VWF: variants seen among roughly 807,000 people sequenced by gnomAD.
The protein encoded by VWF is Factor VIII related antigen.
A neutral mutation model predicts 308.6 loss-of-function variants in VWF; 176 were observed. The observed-to-expected ratio is 0.57, with a 90% CI of 0.50 to 0.65. The LOEUF (loss-of-function observed/expected upper bound fraction) is 0.65, where lower values mean the gene tolerates loss of function less well. Ranked by LOEUF, VWF falls within the 30% of genes least tolerant of loss-of-function variation. The pLI is 0.00. For synonymous variants in VWF, 1,385 were observed against 1,443.4 expected (o/e 0.96, Z 0.92); for missense variants, 3,146 against 3,648.2 (o/e 0.86, Z 3.55).
chr12:5,966,309 A>C (rs887110959), intron 47 of VWF, among the ~76,000 whole-genome samples: 1 of 152,164 alleles, frequency 6.6e-6, no homozygotes, highest in Admixed American at 6.5e-5. Flanking sequence ...ACACGTGTGC[A>C]CACAACTGGG....
chr12:6,065,693 G>A (rs1033630194), intron 10 of VWF, among the ~76,000 whole-genome samples: 3 of 152,196 alleles, frequency 2.0e-5, no homozygotes, highest in Non-Finnish European at 4.4e-5. Context: ...GCCAGGGGGA[G>A]GCTGCCCAAT....
rs1370229347 is a variant in VWF at position 6,020,667 on chromosome 12, C to G, written c.3675-924G>C. 2.0e-5 allele frequency among the ~76,000 whole-genome samples: 3 copies of G among 152,248 alleles called. No individual in the cohort carries two copies. Among genetic ancestry groups the G allele is most frequent in the Non-Finnish European group, 4.4e-5 (3 of 68,044 alleles). ...TGGTGGAGACCAATATGGGCCAGGA[C>G]CATCTCCTCTTTGGACTCTCAGCCT... On this transcript the variant is annotated intron_variant, in intron 27 of 51. Coordinates refer to ENST00000261405, the MANE Select transcript of VWF (RefSeq NM_000552.5). The surrounding 1 kb of genome is among the most constrained non-coding windows in gnomAD (Gnocchi z 4.3).
chr12:6,058,152 A>C lies in VWF; in HGVS notation c.1534-108T>G, dbSNP rs1400125632. The C allele has an allele frequency of 3.1e-6, 4 of 1,309,318 alleles. No individual in the cohort carries two copies. The highest frequency in any genetic ancestry group is 4.2e-6 in the Non-Finnish European group (4 of 955,284). 81.1% of individuals were successfully genotyped at this position (1,309,318 alleles called of 1,614,324 possible). ...AAAAAAAAAAAGTTCCCCGGGTGAA[A>C]CATAAATATGAATGTAATAAAAGGC... On this transcript the variant is annotated intron_variant, in intron 13 of 51. Transcript: ENST00000261405. This position sits in a 1 kb window ranked among gnomAD's most constrained non-coding sequence, Gnocchi z 4.9.
intron 5 of VWF, among the ~76,000 whole-genome samples, chr12:6,097,043 C>T (rs1945111861): frequency 6.6e-6 from 1 of 152,178 alleles, no homozygotes; most frequent in South Asian, 2.1e-4. Flanking sequence ...TAAATATTAT[C>T]TCATATGGCA....
At chr12:5,959,913 T>G (rs913311677) in intron 47 of VWF, among the ~76,000 whole-genome samples, 4 of 151,054 alleles carry the variant, frequency 2.6e-5, no homozygotes, top group Non-Finnish European at 5.9e-5. Context: ...ATTAAGATGC[T>G]AGTAAAAGAA....
chr12:6,016,400 A>C lies in VWF; in HGVS notation c.5311+116T>G, dbSNP rs1042728310. On this transcript the variant is annotated intron_variant, in intron 30 of 51. Coordinates refer to ENST00000261405, the MANE Select transcript of VWF (RefSeq NM_000552.5). ...AAGAGCATCTAGCCCCTCACTTTCC[A>C]GGAGAAGAAACTAAGGCCAAGGAGC... 5 of 1,414,744 alleles carry C rather than the reference A, an allele frequency of 3.5e-6. No homozygotes were observed. In the African/African-American group the frequency reaches 5.7e-5, roughly 16 times the overall value. 87.6% of individuals were successfully genotyped at this position (1,414,744 alleles called of 1,614,324 possible).
At chr12:6,073,243 C>A (rs116811595) in intron 8 of VWF, among the ~76,000 whole-genome samples, 3,690 of 152,234 alleles carry the variant, frequency 0.024, 139 homozygotes, top group African/African-American at 0.083. Context: ...AGTGCAGAGC[C>A]CTTTTTCAGC....
chr12:5,983,851 TTAGA>T (rs1943641794), intron 40 of VWF, among the ~76,000 whole-genome samples: 1 of 131,128 alleles, frequency 7.6e-6, no homozygotes, highest in Admixed American at 8.0e-5. Flanking sequence ...GATATATAGC[TTAGA>T]TAGAGATAGG....
At chr12:6,054,348 C>T (rs955170707) in intron 15 of VWF, among the ~76,000 whole-genome samples, 6 of 152,194 alleles carry the variant, frequency 3.9e-5, no homozygotes, top group Admixed American at 1.3e-4. Context: ...TAGGTTAAGA[C>T]AGGATGTGTT....
Position 6,046,849 on chromosome 12 carries a change from C to CGAGACTCG in VWF, c.2187-40_2187-33dup. On this transcript the variant is annotated intron_variant, in intron 16 of 51. Transcript: ENST00000261405. The surrounding 1 kb of genome is among the most constrained non-coding windows in gnomAD (Gnocchi z 5.0). ...AGAAGAAAATCATAGCCGAGCTTCA[C>CGAGACTCG]GAGACTCGTCTATACTCGCTGCCTC... is the stretch of plus-strand genomic sequence containing the variant. 1 of 1,597,808 alleles carries CGAGACTCG rather than the reference C, an allele frequency of 6.3e-7. No individual in the cohort carries two copies. The highest frequency in any genetic ancestry group is 8.6e-7 in the Non-Finnish European group (1 of 1,167,142).
chr12:5,964,300 A>ATACATACATACATACATGCAT (rs1267334614), intron 47 of VWF, among the ~76,000 whole-genome samples: 1 of 151,980 alleles, frequency 6.6e-6, no homozygotes. Context: ...ACATACATAC[A>ATACATACATACATACATGCAT]AAAAGCTACC....
At chr12:6,032,462 A>G (rs1283801037) in intron 20 of VWF, among the ~76,000 whole-genome samples, 1 of 149,008 alleles carries the variant, frequency 6.7e-6, no homozygotes, top group Non-Finnish European at 1.5e-5. Context: ...ACACGGTGAA[A>G]CCCCGTCTCT....
intron 33 of VWF, 58 bp downstream of exon 33, chr12:6,012,029 A>G: frequency 6.3e-7 from 1 of 1,594,212 alleles, no homozygotes; most frequent in South Asian, 1.1e-5. Context: ...ACCAGTGGGA[A>G]CAAGAGCCCC....
At chr12:5,962,193 A>T (rs1943326290) in intron 47 of VWF, among the ~76,000 whole-genome samples, 1 of 152,210 alleles carries the variant, frequency 6.6e-6, no homozygotes, top group East Asian at 1.9e-4. Context: ...TGAGAGCAAG[A>T]CCTAAATAAT....
chr12:6,041,310 A>G (rs1253779060), intron 18 of VWF, among the ~76,000 whole-genome samples: 1 of 151,614 alleles, frequency 6.6e-6, no homozygotes, highest in Non-Finnish European at 1.5e-5. Flanking sequence ...TGCGCCTGTA[A>G]TCCCAGCTAC....
intron 9 of VWF, among the ~76,000 whole-genome samples, chr12:6,071,804 T>A (rs780271765): frequency 6.6e-6 from 1 of 152,174 alleles, no homozygotes; most frequent in Non-Finnish European, 1.5e-5. Flanking sequence ...CCAAACGAGT[T>A]GTCCCTGCTG....
At chr12:5,964,049 T>C (rs1023678346) in intron 47 of VWF, among the ~76,000 whole-genome samples, 12 of 151,500 alleles carry the variant, frequency 7.9e-5, no homozygotes, top group East Asian at 5.9e-4. Flanking sequence ...CTACTAAAAA[T>C]ACAAAAAAAA....
chr12:6,077,905 C>T (rs1249344752), intron 6 of VWF, among the ~76,000 whole-genome samples: 2 of 152,158 alleles, frequency 1.3e-5, no homozygotes, highest in East Asian at 3.9e-4. Context: ...CCCATGCTAG[C>T]GTGTGAGCTA....
At chr12:5,975,774 A>T (rs151220364) in intron 43 of VWF, among the ~76,000 whole-genome samples, 4 of 150,718 alleles carry the variant, frequency 2.7e-5, no homozygotes, top group Non-Finnish European at 4.4e-5. Context: ...TTAAGGCCAT[A>T]CAACAGACGT....
Sources: gnomAD v4.1 joint callset for allele counts (sites outside exome capture counted in the v4.1 genomes callset) on GRCh38, gnomAD v4.1.1 for gene constraint, Gnocchi (gnomAD v3.1) non-coding constraint, MANE v1.5 for transcripts, NCBI Gene and HGNC (gene_info 2026-07-23, HGNC 2026-07-21) for gene names.